Variants in LETMD1 observed in about 807,000 individuals in gnomAD.
The protein encoded by LETMD1 is LETM1 domain-containing protein 1.
In LETMD1, 30 loss-of-function variants were observed where a neutral mutation model predicts 43.9. The ratio of observed to expected loss-of-function variants is 0.68; its 90% confidence interval spans 0.51 to 0.93. LETMD1 has a LOEUF of 0.93. Among genes scored for constraint, LETMD1 ranks in the 40% least tolerant of loss-of-function variants. LETMD1 has a pLI of 0.00. For synonymous variants in LETMD1, 176 were observed against 163.1 expected (o/e 1.08, Z -0.60); for missense variants, 413 against 447.7 (o/e 0.92, Z 0.70).
intron 4 of LETMD1, among the ~76,000 whole-genome samples, chr12:51,055,068 C>A (rs970353110): frequency 6.6e-6 from 1 of 152,022 alleles, no homozygotes; most frequent in Admixed American, 6.6e-5. Flanking sequence ...CCACTGCAGT[C>A]CAGCTTGGGT....
At chr12:51,057,217 T>TA (rs1446636670) in intron 7 of LETMD1, among the ~76,000 whole-genome samples, 13 of 152,112 alleles carry the variant, frequency 8.5e-5, no homozygotes, top group African/African-American at 2.9e-4. Flanking sequence ...GCCTGGGTGA[T>TA]AGAGTGAGAC....
At chr12:51,058,275 G>A (rs1948304084) in intron 8 of LETMD1, 147 bp downstream of exon 8, 1 of 635,058 alleles carries the variant, frequency 1.6e-6, no homozygotes, top group Non-Finnish European at 2.8e-6. Flanking sequence ...CATGCCTACT[G>A]CATGCCCGGC....
intron 8 of LETMD1, chr12:51,058,425 T>G (rs1948344701): frequency 3.4e-6 from 1 of 296,664 alleles, no homozygotes; most frequent in Non-Finnish European, 6.3e-6. Context: ...ATTTATTTAT[T>G]TATTTATTTT....
At chr12:51,065,636 T>A in the LETMD1 span, among the ~76,000 whole-genome samples, 1 of 151,994 alleles carries the variant, frequency 6.6e-6, no homozygotes, top group Non-Finnish European at 1.5e-5. Context: ...ATTTTAAAAT[T>A]TTTTGTAGAG....
chr12:51,064,033 G>C (rs748650592), downstream of LETMD1: 5 of 1,614,136 alleles, frequency 3.1e-6, no homozygotes, highest in East Asian at 8.9e-5. Flanking sequence ...AAGACATTCA[G>C]ATCCTTCTCC....
chr12:51,050,410 G>A (rs1443692967), intron 2 of LETMD1, among the ~76,000 whole-genome samples: 4 of 151,290 alleles, frequency 2.6e-5, no homozygotes, highest in Non-Finnish European at 2.9e-5. Context: ...TTTAGTAGAG[G>A]TGGGGTTTCA....
downstream of LETMD1, chr12:51,063,498 G>C: frequency 3.5e-6 from 1 of 289,102 alleles, no homozygotes; most frequent in Non-Finnish European, 6.4e-6. Context: ...GGCCCAGAAA[G>C]CTTAATGTTC....
In LETMD1 at chr12:51,059,286, C is replaced by T. The variant is rs796557459; in HGVS notation, c.1013-75C>T. 12 of 1,351,994 alleles carry T rather than the reference C, an allele frequency of 8.9e-6. No homozygotes were observed. In the African/African-American group the frequency reaches 1.1e-4, roughly 13 times the overall value. 83.7% of individuals were successfully genotyped at this position (1,351,994 alleles called of 1,614,324 possible). A position where few individuals can be genotyped will look rare whatever the true frequency, so the allele number is the denominator to read the frequency against. ...CTCCCTGCACTTGGCTTCCTGCCTCCAGGCTTAAGCCATATATAACAAGGC... is the reference window on the plus strand; with the variant it reads ...CTCCCTGCACTTGGCTTCCTGCCTCTAGGCTTAAGCCATATATAACAAGGC... On this transcript the variant is annotated intron_variant, in intron 8 of 8. Transcript: ENST00000262055.
At chr12:51,059,340 C>G (rs1416953426) in intron 8 of LETMD1, 21 bp from the exon 9 acceptor site, 2 of 1,612,304 alleles carry the variant, frequency 1.2e-6, no homozygotes, top group East Asian at 2.2e-5. Context: ...CCAAGCCAAA[C>G]CACTAACACT....
At chr12:51,048,565 C>CA in intron 1 of LETMD1, 87 bp downstream of exon 1, 1 of 1,513,134 alleles carries the variant, frequency 6.6e-7, no homozygotes, top group Non-Finnish European at 9.0e-7. Flanking sequence ...TCTTAATTCT[C>CA]AGAGTTCCAC....
At chr12:51,054,530 C>T (rs775510302) in intron 4 of LETMD1, among the ~76,000 whole-genome samples, 1 of 152,184 alleles carries the variant, frequency 6.6e-6, no homozygotes, top group African/African-American at 2.4e-5. Context: ...CCAGAGTGCC[C>T]AGATGTGGCT....
At chr12:51,065,414 A>G (rs779616090), downstream of LETMD1, among the ~76,000 whole-genome samples, 2 of 152,228 alleles carry the variant, frequency 1.3e-5, no homozygotes, top group Non-Finnish European at 2.9e-5. Context: ...AAAAATTAAA[A>G]CCACAAGTAA....
rs1947724250 is a variant in LETMD1, at chr12:51,056,341, G to T, written c.763-9G>T. ...TTTGCCTTTCCCCTCCTATGTGGTTGTGTTACAGAAAGCCTTGAGCCGGGC... is the reference window on the plus strand; with the variant it reads ...TTTGCCTTTCCCCTCCTATGTGGTTTTGTTACAGAAAGCCTTGAGCCGGGC... On this transcript the variant is annotated splice_polypyrimidine_tract_variant and intron_variant, in intron 6 of 8. Transcript: ENST00000262055. 1.2e-6 allele frequency: 2 copies of T among 1,614,004 alleles called. No individual in the cohort carries two copies.
In LETMD1 at chr12:51,048,408, G is replaced by A. The variant is rs538770035; in HGVS notation, c.52G>A (p.Val18Ile). The A allele has an allele frequency of 1.2e-6, 2 of 1,614,022 alleles. No homozygotes were observed. Among genetic ancestry groups the A allele is most frequent in the East Asian group, 2.2e-5 (1 of 44,880 alleles). ...TCGGTCGGCTGTGTGGGGCTCGGCA[G>A]TCACCCCTGGACATTTTGTCACCCG... ...WARSAVWGSAVTPGHFVTRRL... is the reference protein window; with the variant it reads ...WARSAVWGSAITPGHFVTRRL... The change falls in exon 1 of 9, where the codon GTC (valine) becomes ATC (isoleucine). Residue 18 changes from valine (V) to isoleucine (I), a missense_variant. Transcript: ENST00000262055.
At chr12:51,058,360 G>C in intron 8 of LETMD1, 1 of 532,340 alleles carries the variant, frequency 1.9e-6, no homozygotes. Context: ...GCATGCTAGT[G>C]TGAATTTTCC....
chr12:51,050,316 G>C (rs555092287), intron 2 of LETMD1, among the ~76,000 whole-genome samples: 1 of 150,850 alleles, frequency 6.6e-6, no homozygotes, highest in African/African-American at 2.4e-5. Context: ...TCTGCTTCCC[G>C]GATTCAAGCA....
chr12:51,048,800 C>T (rs1315755735), intron 1 of LETMD1: 3 of 591,586 alleles, frequency 5.1e-6, no homozygotes, highest in Non-Finnish European at 8.9e-6. Context: ...GTCCCACAGG[C>T]ATTGCGCTCT....
At chr12:51,061,811 C>G (rs1948840280), downstream of LETMD1, 1 of 152,140 alleles carries the variant, frequency 6.6e-6, no homozygotes, top group African/African-American at 2.4e-5. Context: ...AGACAGTGGG[C>G]AAACCTCACC....
intron 1 of LETMD1, chr12:51,048,780 A>G (rs1945084069): frequency 8.5e-6 from 5 of 586,594 alleles, no homozygotes; most frequent in Non-Finnish European, 1.5e-5. Context: ...CTTAGCCTGC[A>G]GTTCAAATTG....
Sources: allele counts gnomAD v4.1 joint callset (sites outside exome capture counted in the v4.1 genomes callset), GRCh38; gene constraint gnomAD v4.1.1; transcripts MANE v1.5; gene names NCBI Gene and HGNC (gene_info 2026-07-23, HGNC 2026-07-21).